IQSEC3: variants seen among roughly 807,000 people sequenced by gnomAD.
IQSEC3 encodes the protein IQ motif and SEC7 domain-containing protein 3.
Under a neutral mutation model 105.4 loss-of-function variants are expected in IQSEC3, and 50 were observed. That is an observed-to-expected ratio of 0.47 (90% confidence interval 0.38 to 0.60). The LOEUF (loss-of-function observed/expected upper bound fraction) is 0.60. Ranked by LOEUF, IQSEC3 falls within the 20% of genes least tolerant of loss-of-function variation. IQSEC3 has a pLI of 0.00. For missense variants in IQSEC3, 1,415 were observed against 1,630.0 expected (o/e 0.87, Z 2.27); for synonymous variants, 708 against 746.0 (o/e 0.95, Z 0.83).
chr12:150,484 C>T (rs528197538), intron 5 of IQSEC3, among the ~76,000 whole-genome samples: 2 of 152,216 alleles, frequency 1.3e-5, no homozygotes, highest in African/African-American at 4.8e-5. Flanking sequence ...GGCCCAGTTT[C>T]AGGTCAGTGA....
chr12:141,603 G>T, intron 5 of IQSEC3: 1 of 314,534 alleles, frequency 3.2e-6, no homozygotes, highest in Non-Finnish European at 5.8e-6. Flanking sequence ...GAAAAGGAAA[G>T]GGCTTGTGTC....
In IQSEC3 at chr12:177,302, C is replaced by T. The variant is rs1361455641; in HGVS notation, c.*2269C>T. ...CAGGCAGGACCCCGTCCCCTGCTCA[C>T]ACAGCTCTTCAAACTTACCAAGTGC... On this transcript the variant is annotated 3_prime_UTR_variant, in exon 14 of 14. Transcript: ENST00000538872. This position sits in a 1 kb window ranked among gnomAD's most constrained non-coding sequence, Gnocchi z 5.3. The T allele has an allele frequency of 3.4e-5, 4 of 119,260 alleles. No homozygotes were observed. Among genetic ancestry groups the T allele is most frequent in the African/African-American group, 8.7e-5 (3 of 34,368 alleles). 7.4% of individuals were successfully genotyped at this position (119,260 alleles called of 1,614,324 possible). A position where few individuals can be genotyped will look rare whatever the true frequency, so the allele number is the denominator to read the frequency against.
Position 175,204 on chromosome 12 carries a change from T to G in IQSEC3, c.*171T>G. 1 of 590,364 alleles carries G rather than the reference T, an allele frequency of 1.7e-6. No individual in the cohort carries two copies. The highest frequency in any genetic ancestry group is 2.9e-6 in the Non-Finnish European group (1 of 340,938). 36.6% of individuals were successfully genotyped at this position (590,364 alleles called of 1,614,324 possible). ...CTGGGTTTGCCTCATCCAACCATCCTTCCCTTTCTCAGCTGCACCCCCTCT... is the reference window on the plus strand; with the variant it reads ...CTGGGTTTGCCTCATCCAACCATCCGTCCCTTTCTCAGCTGCACCCCCTCT... On this transcript the variant is annotated 3_prime_UTR_variant, in exon 14 of 14. Coordinates refer to ENST00000538872, the MANE Select transcript of IQSEC3 (RefSeq NM_001170738.2).
chr12:158,359 C>T (rs919697858), intron 7 of IQSEC3, among the ~76,000 whole-genome samples: 1 of 152,162 alleles, frequency 6.6e-6, no homozygotes. Flanking sequence ...ATCGATAAAC[C>T]GCAGGCTTCT....
Position 138,486 on chromosome 12 carries a change from G to C in IQSEC3, c.1123G>C (p.Gly375Arg), listed in dbSNP as rs781821055. The C allele has an allele frequency of 6.3e-7, 1 of 1,590,822 alleles. No individual in the cohort carries two copies. Among genetic ancestry groups the C allele is most frequent in the Non-Finnish European group, 8.5e-7 (1 of 1,174,410 alleles). ...AAEKALMEGY[G>R]LVGLPLVRSP... ...CGAGAAAGCGCTCATGGAGGGCTAC[G>C]GCCTCGTGGGGCTGCCGCTGGTGCG... The change falls in exon 4 of 14, where the codon GGC becomes CGC. Residue 375 changes from glycine (G) to arginine (R), a missense_variant. By Grantham distance (125) the Gly-to-Arg change is moderately radical. Around this residue, in one of 6 missense-constraint regions of IQSEC3, gnomAD observed 720 missense variants for 633.0 expected, o/e 1.14. Coordinates refer to ENST00000538872, the MANE Select transcript of IQSEC3 (RefSeq NM_001170738.2). This position sits in a 1 kb window ranked among gnomAD's most constrained non-coding sequence, Gnocchi z 7.1.
At chr12:108,475 C>T (rs1864758257) in intron 2 of IQSEC3, among the ~76,000 whole-genome samples, 1 of 152,234 alleles carries the variant, frequency 6.6e-6, no homozygotes, top group African/African-American at 2.4e-5. Context: ...GTGTCTTTTA[C>T]CATCTATCAC....
intron 7 of IQSEC3, among the ~76,000 whole-genome samples, chr12:161,208 A>C (rs1345036029): frequency 6.6e-6 from 1 of 152,240 alleles, no homozygotes; most frequent in Non-Finnish European, 1.5e-5. Flanking sequence ...CTTATAAAAG[A>C]AGCGTATAGT....
intron 1 of IQSEC3, among the ~76,000 whole-genome samples, chr12:71,779 G>C (rs1481164678): frequency 6.6e-6 from 1 of 152,282 alleles, no homozygotes; most frequent in Non-Finnish European, 1.5e-5. Context: ...GGTTGCTGAG[G>C]TGGCATCGTA....
Position 125,611 on chromosome 12 carries a change from C to A in IQSEC3, c.624-22C>A, listed in dbSNP as rs569042098. ...CCTGTCGCCCTCTCCCCCAACCGAG[C>A]ACCGTTGCCTTCTGTTCACAGTGAT... On this transcript the variant is annotated intron_variant, in intron 2 of 13. Coordinates refer to ENST00000538872, the MANE Select transcript of IQSEC3 (RefSeq NM_001170738.2). 36 of 1,475,236 alleles carry A rather than the reference C, an allele frequency of 2.4e-5. No homozygotes were observed. In the South Asian group the frequency reaches 4.4e-4, roughly 18 times the overall value. The allele number at this position is 1,475,236 out of a possible 1,614,324, so 91.4% of individuals were successfully genotyped here. A position where few individuals can be genotyped will look rare whatever the true frequency, so the allele number is the denominator to read the frequency against.
chr12:90,789 T>C (rs1555073173), intron 1 of IQSEC3, among the ~76,000 whole-genome samples: 6 of 152,214 alleles, frequency 3.9e-5, no homozygotes, highest in Non-Finnish European at 8.8e-5. Context: ...AAAGTTGTTT[T>C]GGCTATCCCC....
Position 163,520 on chromosome 12 carries a change from G to T in IQSEC3, c.2610G>T (p.Leu870=). The T allele has an allele frequency of 1.2e-6, 2 of 1,611,106 alleles. No individual in the cohort carries two copies. The highest frequency in any genetic ancestry group is 1.1e-5 in the South Asian group (1 of 90,974). The change falls in exon 9 of 14, where the codon CTG becomes CTT. Residue 870 remains leucine (L), a synonymous_variant. Coordinates refer to ENST00000538872, the MANE Select transcript of IQSEC3 (RefSeq NM_001170738.2). ...KTVLSVPHRR[L]VCCSRLFEVT... ...TGCTGTCCGTGCCCCACCGCCGCCT[G>T]GTGTGCTGCAGCCGGCTCTTCGAGG...
chr12:139,068 C>T lies in IQSEC3; in HGVS notation c.1705C>T (p.Pro569Ser), dbSNP rs782267649. 12 of 1,493,184 alleles carry T rather than the reference C, an allele frequency of 8.0e-6. No individual in the cohort carries two copies. The South Asian group carries it at 1.4e-4, about 18-fold the overall frequency. 92.5% of individuals were successfully genotyped at this position (1,493,184 alleles called of 1,614,324 possible). ...ASGAADGATA[P>S]KTEEEEEEEE... ...TGGGGCGGCGGATGGGGCCACAGCC[C>T]CCAAAACAGAGGAGGAAGAGGAGGA... Residue 569 changes from proline to serine, a missense_variant, in exon 4 of 14, where the codon CCC becomes TCC. Transcript: ENST00000538872.
At position 138,970 on chromosome 12, in the gene IQSEC3, A is replaced by C. The variant is rs1473506050; in HGVS notation, c.1607A>C (p.Glu536Ala). ...KAEQGETSGR[E>A]APEAPAVGRE... ...GAGCAGGGCGAGACCTCTGGGCGGG[A>C]GGCCCCGGAAGCCCCCGCCGTGGGC... is the stretch of plus-strand genomic sequence containing the variant. The change falls in exon 4 of 14, where the codon GAG becomes GCG. Residue 536 changes from glutamate (E) to alanine (A), a missense_variant. Transcript: ENST00000538872. The surrounding 1 kb of genome is among the most constrained non-coding windows in gnomAD (Gnocchi z 7.1). The C allele has an allele frequency of 2.6e-6, 4 of 1,545,084 alleles. No individual in the cohort carries two copies. In the African/African-American group the frequency reaches 5.5e-5, roughly 21 times the overall value.
At chr12:106,181 T>G (rs1864642557) in intron 2 of IQSEC3, among the ~76,000 whole-genome samples, 1 of 152,146 alleles carries the variant, frequency 6.6e-6, no homozygotes, top group Non-Finnish European at 1.5e-5. Flanking sequence ...AAACTGAGGA[T>G]CAGAGACAAC....
intron 1 of IQSEC3, among the ~76,000 whole-genome samples, chr12:70,807 T>C (rs1220329498): frequency 6.6e-6 from 1 of 152,270 alleles, no homozygotes; most frequent in Non-Finnish European, 1.5e-5. Flanking sequence ...AATTCTTGCA[T>C]CCCCATTCAA....
At chr12:137,699 C>T (rs1162942171) in intron 3 of IQSEC3, 1 of 152,046 alleles carries the variant, frequency 6.6e-6, no homozygotes, top group East Asian at 1.9e-4. Context: ...TTTGCCCAGG[C>T]TGGAGTGCTG....
chr12:168,325 C>T (rs1435948287), intron 11 of IQSEC3, among the ~76,000 whole-genome samples: 1 of 152,176 alleles, frequency 6.6e-6, no homozygotes, highest in Non-Finnish European at 1.5e-5. Flanking sequence ...TCCACACCCT[C>T]GGTGTGGACT....
At chr12:131,654 C>T (rs1405892415) in intron 3 of IQSEC3, among the ~76,000 whole-genome samples, 1 of 152,196 alleles carries the variant, frequency 6.6e-6, no homozygotes, top group Admixed American at 6.5e-5. Flanking sequence ...GCACTGGGCA[C>T]AAGAGATGCA....
intron 13 of IQSEC3, among the ~76,000 whole-genome samples, chr12:173,500 C>G (rs1939115641): frequency 6.6e-6 from 1 of 152,184 alleles, no homozygotes; most frequent in Non-Finnish European, 1.5e-5. Flanking sequence ...TAGTTCTGGG[C>G]TGGGCCAGCT....
Sources: allele counts gnomAD v4.1 joint callset (sites outside exome capture counted in the v4.1 genomes callset), GRCh38; gene constraint gnomAD v4.1.1; regional missense constraint gnomAD v4.1.1; non-coding constraint Gnocchi (gnomAD v3.1); transcripts MANE v1.5; gene names NCBI Gene and HGNC (gene_info 2026-07-23, HGNC 2026-07-21).